Variants in JMJD1C observed in about 807,000 individuals in gnomAD.
JMJD1C encodes the protein jumonji domain-containing protein 1C.
In JMJD1C, 31 loss-of-function variants were observed where a neutral mutation model predicts 245.3. The ratio of observed to expected loss-of-function variants is 0.13; its 90% CI spans 0.09 to 0.17. JMJD1C has a LOEUF of 0.17. Ranked by LOEUF, JMJD1C falls within the 10% of genes least tolerant of loss-of-function variation. The pLI, the probability that JMJD1C is intolerant of heterozygous loss-of-function variation, is 1.00. For missense variants in JMJD1C, 2,691 were observed against 3,000.2 expected, an observed-to-expected ratio of 0.90 and a Z score of 2.41; for synonymous variants, 1,057 against 1,017.4, an observed-to-expected ratio of 1.04 and a Z score of -0.74.
chr10:63,431,701 G>A (rs936361712), intron 1 of JMJD1C, among the ~76,000 whole-genome samples: 3 of 152,162 alleles, frequency 2.0e-5, no homozygotes, highest in African/African-American at 7.2e-5. Context: ...CCAGGTTTTG[G>A]GGTATGCACT....
At chr10:63,475,701 G>A (rs1953638651) in intron 1 of JMJD1C, among the ~76,000 whole-genome samples, 1 of 152,108 alleles carries the variant, frequency 6.6e-6, no homozygotes, top group African/African-American at 2.4e-5. Flanking sequence ...CAGCATCCAA[G>A]GCCCCATGCC....
At chr10:63,295,959 ATGTGTGTG>A (rs370590868) in intron 2 of JMJD1C, among the ~76,000 whole-genome samples, 17,016 of 89,448 alleles carry the variant, frequency 0.19, 2,540 homozygotes, top group Non-Finnish European at 0.26. Flanking sequence ...ATACACGTAT[ATGTGTGTG>A]TGTGTGTGTG....
At chr10:63,375,335 C>T (rs537677698) in intron 2 of JMJD1C, among the ~76,000 whole-genome samples, 8 of 151,442 alleles carry the variant, frequency 5.3e-5, no homozygotes, top group African/African-American at 1.5e-4. Flanking sequence ...TACAGGCTCA[C>T]GCTGACTAGT....
At position 63,203,432 on chromosome 10, in the gene JMJD1C, G is replaced by A. The variant is rs919329165; in HGVS notation, c.5075-2755C>T. The A allele has an allele frequency of 2.0e-5, 20 of 985,218 alleles. No homozygotes were observed. In the African/African-American group the frequency reaches 3.5e-4, roughly 17 times the overall value. The allele number at this position is 985,218 out of a possible 1,614,324, so 61.0% of individuals were successfully genotyped here. A position where few individuals can be genotyped will look rare whatever the true frequency, so the allele number is the denominator to read the frequency against. Reference sequence around the variant, plus strand: ...TAACAGAAAACTGGGGAGGAAGAAAGTAAGAGACAAATACTTGCCAAACAT... The same window carrying A: ...TAACAGAAAACTGGGGAGGAAGAAAATAAGAGACAAATACTTGCCAAACAT... On this transcript the variant is annotated intron_variant, in intron 10 of 25. Transcript: ENST00000399262.
chr10:63,180,354 A>C (rs12250472), intron 22 of JMJD1C, among the ~76,000 whole-genome samples: 13,001 of 152,198 alleles, frequency 0.085, 1,682 homozygotes, highest in African/African-American at 0.28. Context: ...TGTCCTAGGA[A>C]GTTGGGAATT....
At chr10:63,311,902 T>A (rs1024307692) in intron 2 of JMJD1C, among the ~76,000 whole-genome samples, 1 of 152,166 alleles carries the variant, frequency 6.6e-6, no homozygotes, top group African/African-American at 2.4e-5. Flanking sequence ...GTTAGGAATG[T>A]ATTAGGTTAT....
intron 2 of JMJD1C, among the ~76,000 whole-genome samples, chr10:63,362,688 T>C (rs959742536): frequency 2.6e-5 from 4 of 151,986 alleles, no homozygotes; most frequent in Non-Finnish European, 2.9e-5. Flanking sequence ...ACTATGTTAC[T>C]TGGGCTAGTC....
chr10:63,431,614 T>C (rs778831941), intron 1 of JMJD1C, among the ~76,000 whole-genome samples: 2 of 152,200 alleles, frequency 1.3e-5, no homozygotes, highest in Non-Finnish European at 2.9e-5. Flanking sequence ...AGATGTAATA[T>C]TTGAGATGAC....
chr10:63,409,929 G>A (rs192026870), intron 1 of JMJD1C, among the ~76,000 whole-genome samples: 31 of 152,262 alleles, frequency 2.0e-4, no homozygotes, highest in Admixed American at 8.5e-4. Context: ...GAGTCTGGGG[G>A]TCCTGGGATT....
intron 1 of JMJD1C, among the ~76,000 whole-genome samples, chr10:63,381,383 C>CA (rs566996829): frequency 1.8e-3 from 273 of 152,312 alleles, no homozygotes; most frequent in African/African-American, 6.4e-3. Flanking sequence ...CATGGTGGCA[C>CA]ATGCCTTTAG....
chr10:63,319,405 A>G (rs1940564856), intron 2 of JMJD1C, among the ~76,000 whole-genome samples: 1 of 128,830 alleles, frequency 7.8e-6, no homozygotes, highest in African/African-American at 2.9e-5. Flanking sequence ...CATTTTCTTT[A>G]TCTCTGGCAG....
At chr10:63,264,514 T>A in intron 3 of JMJD1C, 137 bp downstream of exon 3, 1 of 543,674 alleles carries the variant, frequency 1.8e-6, no homozygotes, top group East Asian at 3.1e-5. Flanking sequence ...CAAAATCAAC[T>A]GACTGCATTC....
rs1847644643 is a variant in JMJD1C, at chr10:63,213,781, G to A, written c.2386C>T (p.Leu796Phe). The A allele has an allele frequency of 6.2e-7, 1 of 1,614,112 alleles. No homozygotes were observed. The highest frequency in any genetic ancestry group is 8.5e-7 in the Non-Finnish European group (1 of 1,179,988). The stretch of plus-strand genomic sequence containing the variant: ...GGCACTCCAGGTAACACAGTGGGAA[G>A]TAAATGAGGGTGATGAACAGCATGG... ...PHHAVHHPHL[L>F]PTVLPGVPTA... The change falls in exon 8 of 26, where the codon CTT becomes TTT. Residue 796 changes from leucine (L) to phenylalanine (F), a missense_variant. Leu to Phe is a conservative substitution (Grantham distance 22, BLOSUM62 0). This residue lies in a region of JMJD1C where 1,562 missense variants were observed against 1,490.7 expected (regional missense o/e 1.05). Transcript: ENST00000399262.
chr10:63,275,544 A>G (rs1335092732), intron 2 of JMJD1C, among the ~76,000 whole-genome samples: 5 of 152,216 alleles, frequency 3.3e-5, no homozygotes, highest in Admixed American at 1.3e-4. Context: ...GGGAAAGATG[A>G]TAAAACACCA....
At chr10:63,251,326 A>C (rs1853038272) in intron 3 of JMJD1C, among the ~76,000 whole-genome samples, 1 of 152,118 alleles carries the variant, frequency 6.6e-6, no homozygotes, top group Non-Finnish European at 1.5e-5. Context: ...TGTTATTGTG[A>C]TTTTTTACTA....
At chr10:63,185,194 G>A (rs974465335) in intron 20 of JMJD1C, among the ~76,000 whole-genome samples, 2 of 152,170 alleles carry the variant, frequency 1.3e-5, no homozygotes, top group East Asian at 1.9e-4. Context: ...TCAGTGGCAC[G>A]ATCTCAGCTC....
chr10:63,448,312 A>G (rs537777642), intron 1 of JMJD1C, among the ~76,000 whole-genome samples: 13 of 152,056 alleles, frequency 8.5e-5, no homozygotes, highest in Non-Finnish European at 1.9e-4. Context: ...GCATGCCACC[A>G]TGCCCAGCTC....
At chr10:63,304,184 C>G (rs1011831825) in intron 2 of JMJD1C, among the ~76,000 whole-genome samples, 1 of 152,072 alleles carries the variant, frequency 6.6e-6, no homozygotes, top group Non-Finnish European at 1.5e-5. Context: ...AAAATGGGAC[C>G]AAAGACTCAA....
chr10:63,386,941 T>C (rs1947651308), intron 1 of JMJD1C, among the ~76,000 whole-genome samples: 1 of 152,262 alleles, frequency 6.6e-6, no homozygotes, highest in East Asian at 1.9e-4. Context: ...ATCTTCTGAC[T>C]AACACCAAAG....
Sources: allele counts gnomAD v4.1 joint callset (sites outside exome capture counted in the v4.1 genomes callset), GRCh38; gene constraint gnomAD v4.1.1; regional missense constraint gnomAD v4.1.1; transcripts MANE v1.5; gene names NCBI Gene and HGNC (gene_info 2026-07-23, HGNC 2026-07-21).